LHPP: variants seen among roughly 807,000 people sequenced by gnomAD.
LHPP encodes hLHPP.
Under a neutral mutation model 30.3 loss-of-function variants are expected in LHPP, and 24 were observed. The observed-to-expected ratio is 0.79, with a 90% confidence interval of 0.57 to 1.11. LHPP has a LOEUF of 1.11. Among genes scored for constraint, LHPP ranks in the 50% most tolerant of loss-of-function variants. The pLI, the probability that LHPP is intolerant of heterozygous loss-of-function variation, is 0.00. For synonymous variants in LHPP, 150 were observed against 157.1 expected, an observed-to-expected ratio of 0.95 and a Z score of 0.34; for missense variants, 356 against 367.2, an observed-to-expected ratio of 0.97 and a Z score of 0.25.
chr10:124,462,262 T>C (rs1952426350), intron 1 of LHPP, among the ~76,000 whole-genome samples: 1 of 152,136 alleles, frequency 6.6e-6, no homozygotes, highest in South Asian at 2.1e-4. Context: ...GCGGCCAGTC[T>C]GAATTGAGAT....
chr10:124,546,785 C>T (rs1240611721), intron 6 of LHPP, among the ~76,000 whole-genome samples: 1 of 152,186 alleles, frequency 6.6e-6, no homozygotes, highest in African/African-American at 2.4e-5. Context: ...GTGCTCCCCA[C>T]CTCACCATGC....
chr10:124,601,646 T>G (rs1949023037), intron 6 of LHPP, among the ~76,000 whole-genome samples: 1 of 152,230 alleles, frequency 6.6e-6, no homozygotes, highest in African/African-American at 2.4e-5. Flanking sequence ...GCTGGCGCCA[T>G]GGTGTCGGTT....
chr10:124,547,201 C>T (rs548608633), intron 6 of LHPP, among the ~76,000 whole-genome samples: 7 of 152,298 alleles, frequency 4.6e-5, no homozygotes, highest in Middle Eastern at 6.8e-3. Flanking sequence ...TGTGAGCTGT[C>T]GTGGCGGCAC....
At chr10:124,489,369 G>A (rs192407753) in intron 3 of LHPP, among the ~76,000 whole-genome samples, 3 of 152,188 alleles carry the variant, frequency 2.0e-5, no homozygotes, top group Admixed American at 2.0e-4. Flanking sequence ...GTTTTTTATT[G>A]TTCACCAAAC....
chr10:124,487,107 G>A (rs1953353697), intron 2 of LHPP, among the ~76,000 whole-genome samples: 1 of 152,232 alleles, frequency 6.6e-6, no homozygotes, highest in South Asian at 2.1e-4. Flanking sequence ...TCCATTGAGT[G>A]AACAGACCAC....
At chr10:124,538,705 G>A (rs1003068059) in intron 6 of LHPP, among the ~76,000 whole-genome samples, 2 of 152,232 alleles carry the variant, frequency 1.3e-5, no homozygotes, top group Non-Finnish European at 2.9e-5. Context: ...TCGCATGCCT[G>A]GGAGAATCCT....
intron 6 of LHPP, among the ~76,000 whole-genome samples, chr10:124,578,240 A>G (rs1268678561): frequency 6.6e-6 from 1 of 152,252 alleles, no homozygotes; most frequent in African/African-American, 2.4e-5. Context: ...GCAAGGGAGT[A>G]GAACGAAGAC....
intron 6 of LHPP, among the ~76,000 whole-genome samples, chr10:124,607,820 C>T (rs1949115544): frequency 2.0e-5 from 3 of 152,194 alleles, no homozygotes; most frequent in South Asian, 2.1e-4. Flanking sequence ...GAACTGGCTG[C>T]GGTACCAGAG....
intron 6 of LHPP, among the ~76,000 whole-genome samples, chr10:124,600,177 C>G (rs1237149485): frequency 1.3e-5 from 2 of 152,226 alleles, no homozygotes; most frequent in Non-Finnish European, 2.9e-5. Flanking sequence ...CAGGGTCTGG[C>G]CTTGTTGGTA....
At chr10:124,600,230 G>A (rs1484340677) in intron 6 of LHPP, among the ~76,000 whole-genome samples, 1 of 152,240 alleles carries the variant, frequency 6.6e-6, no homozygotes, top group Admixed American at 6.5e-5. Context: ...AGACCTCCAG[G>A]ATCCTGGGTT....
rs1315766998 is a variant in LHPP at position 124,504,682 on chromosome 10, G to GAC, written c.624+6555_624+6556dup. On this transcript the variant is annotated intron_variant, in intron 5 of 6. Coordinates refer to ENST00000368842, the MANE Select transcript of LHPP (RefSeq NM_022126.4). ...AAGGGGAAGGGAAGAGAGGGGAGGA[G>GAC]ACGAGACTGGCTGTCCAGATGGCAT... Among the ~76,000 whole-genome samples, 4 of 152,088 alleles carry GAC rather than the reference G, an allele frequency of 2.6e-5. No individual in the cohort carries two copies. In the South Asian group the frequency reaches 8.3e-4, roughly 32 times the overall value.
At chr10:124,488,394 G>A (rs1317739710) in intron 2 of LHPP, 28 bp from the exon 3 acceptor site, 1 of 1,612,254 alleles carries the variant, frequency 6.2e-7, no homozygotes, top group Non-Finnish European at 8.5e-7. Flanking sequence ...AGGGCTCCGT[G>A]GCACTCTGTC....
chr10:124,501,472 T>A (rs1953896078), intron 5 of LHPP, among the ~76,000 whole-genome samples: 1 of 151,348 alleles, frequency 6.6e-6, no homozygotes, highest in South Asian at 2.1e-4. Flanking sequence ...CGTGGTGGTG[T>A]GCACCTATAA....
chr10:124,605,077 C>G (rs531876410), intron 6 of LHPP: 1 of 152,534 alleles, frequency 6.6e-6, no homozygotes, highest in Non-Finnish European at 1.5e-5. Flanking sequence ...CCTCATGGGG[C>G]TCTTTTGCTG....
rs1954494261 is a variant in LHPP at position 124,517,651 on chromosome 10, G to T, written c.716+380G>T. 6.6e-6 allele frequency among the ~76,000 whole-genome samples: 1 copy of T among 152,194 alleles called. No individual in the cohort carries two copies. Among genetic ancestry groups the T allele is most frequent in the African/African-American group, 2.4e-5 (1 of 41,452 alleles). On this transcript the variant is annotated intron_variant, in intron 6 of 6. Coordinates refer to ENST00000368842, the MANE Select transcript of LHPP (RefSeq NM_022126.4). This position sits in a 1 kb window ranked among gnomAD's most constrained non-coding sequence, Gnocchi z 4.1. Reference sequence around the variant, plus strand: ...TACAGCTGTGGGCACTCAGCCCCTTGGACAGCCTCCCTCTCCTTTTGTTCA... The same window carrying T: ...TACAGCTGTGGGCACTCAGCCCCTTTGACAGCCTCCCTCTCCTTTTGTTCA...
At chr10:124,600,366 G>A (rs111464216) in intron 6 of LHPP, among the ~76,000 whole-genome samples, 20 of 152,384 alleles carry the variant, frequency 1.3e-4, no homozygotes, top group South Asian at 2.1e-4. Context: ...GGCTGCAGGC[G>A]ACTGGGGCAG....
In LHPP at chr10:124,525,580, C is replaced by T. The variant is rs116427545; in HGVS notation, c.716+8309C>T. Among the ~76,000 whole-genome samples, 36 of 152,248 alleles carry T rather than the reference C, an allele frequency of 2.4e-4. No individual in the cohort carries two copies. The East Asian group carries it at 4.8e-3, about 20-fold the overall frequency. ...CTCCTGAGAGAGTGGGGAGGAGACC[C>T]GAGGCGGAGGCGAGTGTGTGAAAGG... On this transcript the variant is annotated intron_variant, in intron 6 of 6. Transcript: ENST00000368842.
At chr10:124,594,949 C>G (rs1430911513) in intron 6 of LHPP, among the ~76,000 whole-genome samples, 1 of 152,172 alleles carries the variant, frequency 6.6e-6, no homozygotes, top group African/African-American at 2.4e-5. Flanking sequence ...CTTCCTTTGT[C>G]TTCTGCCATG....
intron 6 of LHPP, among the ~76,000 whole-genome samples, chr10:124,538,602 C>T (rs1955099297): frequency 6.6e-6 from 1 of 152,184 alleles, no homozygotes; most frequent in Non-Finnish European, 1.5e-5. Flanking sequence ...TGCCCTGGGC[C>T]GTGCAGCTGC....
Sources: allele counts gnomAD v4.1 joint callset (sites outside exome capture counted in the v4.1 genomes callset), GRCh38; gene constraint gnomAD v4.1.1; non-coding constraint Gnocchi (gnomAD v3.1); transcripts MANE v1.5; gene names NCBI Gene and HGNC (gene_info 2026-07-23, HGNC 2026-07-21).